Variants in SMURF1 observed in about 807,000 individuals in gnomAD.
SMURF1 encodes E3 ubiquitin-protein ligase SMURF1.
SMURF1 carries 44 observed loss-of-function variants against 98.0 expected under a neutral mutation model. The ratio of observed to expected loss-of-function variants is 0.45; its 90% confidence interval spans 0.35 to 0.58. The LOEUF (loss-of-function observed/expected upper bound fraction) is 0.58, where lower values mean the gene tolerates loss of function less well. Ranked by LOEUF, SMURF1 falls within the 20% of genes least tolerant of loss-of-function variation. The probability of loss-of-function intolerance (pLI) is 0.00; values close to 1 mark genes in which losing one functional copy is unlikely to be tolerated. For synonymous variants in SMURF1, 396 were observed against 374.9 expected, an observed-to-expected ratio of 1.06 and a Z score of -0.65; for missense variants, 687 against 938.4, an observed-to-expected ratio of 0.73 and a Z score of 3.50.
rs78303731 is a variant in SMURF1 at position 99,037,908 on chromosome 7, A to G, written c.1688+480T>C. 2.9e-3 allele frequency among the ~76,000 whole-genome samples: 445 copies of G among 152,356 alleles called. 2 individuals carry two copies. Among genetic ancestry groups the G allele is most frequent in the African/African-American group, 0.01 (432 of 41,576 alleles). ...AAATTTAAAAATTGTTTAAATGTGT[A>G]AAAGTACATTTGAAAGTACAGCACA... On this transcript the variant is annotated intron_variant, in intron 14 of 17. Transcript: ENST00000361368.
chr7:99,062,398 G>A (rs1796053689), intron 1 of SMURF1, among the ~76,000 whole-genome samples: 2 of 152,122 alleles, frequency 1.3e-5, no homozygotes, highest in African/African-American at 4.8e-5. Context: ...GCTAATGACA[G>A]AAGAAGCTAT....
intron 1 of SMURF1, among the ~76,000 whole-genome samples, chr7:99,127,929 G>A (rs947703631): frequency 1.3e-5 from 2 of 152,108 alleles, no homozygotes; most frequent in Non-Finnish European, 1.5e-5. Context: ...TACTTAAATC[G>A]ATAAACTGTC....
At chr7:99,077,829 T>C (rs1283938652) in intron 1 of SMURF1, among the ~76,000 whole-genome samples, 3 of 152,180 alleles carry the variant, frequency 2.0e-5, no homozygotes, top group Non-Finnish European at 2.9e-5. Context: ...ATGTCACTAA[T>C]GTCAGTAACC....
intron 1 of SMURF1, among the ~76,000 whole-genome samples, chr7:99,089,315 T>C (rs1279360221): frequency 6.6e-6 from 1 of 151,836 alleles, no homozygotes; most frequent in Non-Finnish European, 1.5e-5. Context: ...CAAATTCAAA[T>C]TGAATCCTTA....
In SMURF1 at chr7:99,051,414, A is replaced by T. The variant is rs772470218; in HGVS notation, c.749T>A (p.Val250Asp). ...TCCAGTCTGTGTATGCAAAAAGTAA[A>T]CTTGGCCCTGGACTGTTGTTCTTTG... ...YEQRTTVQGQVYFLHTQTGVS... is the reference protein window; with the variant it reads ...YEQRTTVQGQDYFLHTQTGVS... Residue 250 changes from valine (V) to aspartate (D), a missense_variant, in exon 8 of 18, where the codon GTT becomes GAT. Around this residue, in one of 2 missense-constraint regions of SMURF1, gnomAD observed 415 missense variants for 508.4 expected, o/e 0.82. Coordinates refer to ENST00000361368, the MANE Select transcript of SMURF1 (RefSeq NM_181349.3). 6.2e-7 allele frequency: 1 copy of T among 1,614,062 alleles called. No individual in the cohort carries two copies. Among genetic ancestry groups the T allele is most frequent in the East Asian group, 2.2e-5 (1 of 44,874 alleles).
At chr7:99,096,790 C>T (rs1037335213) in intron 1 of SMURF1, among the ~76,000 whole-genome samples, 5 of 152,114 alleles carry the variant, frequency 3.3e-5, no homozygotes, top group African/African-American at 1.2e-4. Flanking sequence ...GAACTGAACA[C>T]CATTAACTAA....
chr7:99,098,975 T>C lies in SMURF1; in HGVS notation c.56-37138A>G, dbSNP rs538694413. ...GAAATAAATAATGTGAATAGCGTTATGAAGACACTGTGATGGGAAGACAAG... is the reference window on the plus strand; with the variant it reads ...GAAATAAATAATGTGAATAGCGTTACGAAGACACTGTGATGGGAAGACAAG... On this transcript the variant is annotated intron_variant, in intron 1 of 17. Transcript: ENST00000361368. 4.7e-4 allele frequency among the ~76,000 whole-genome samples: 72 copies of C among 152,304 alleles called. 1 individual carries two copies. Among genetic ancestry groups the C allele is most frequent in the African/African-American group, 1.7e-3 (69 of 41,582 alleles).
In SMURF1 at chr7:99,057,607, T is replaced by TG. The variant is rs1554440705; in HGVS notation, c.204-57_204-56insC. On this transcript the variant is annotated intron_variant, in intron 3 of 17. Coordinates refer to ENST00000361368, the MANE Select transcript of SMURF1 (RefSeq NM_181349.3). The stretch of plus-strand genomic sequence containing the variant: ...TTGTGTTTGGTTTTTTTTGTTTTGT[T>TG]TTTTTTTTTTTTTGAGATAGAATCC... 324 of 1,208,960 alleles carry TG rather than the reference T, an allele frequency of 2.7e-4. 1 individual carries two copies. In the African/African-American group the frequency reaches 6.3e-3, roughly 23 times the overall value. 74.9% of individuals were successfully genotyped at this position (1,208,960 alleles called of 1,614,324 possible).
chr7:99,107,547 G>A (rs1298231789), intron 1 of SMURF1, among the ~76,000 whole-genome samples: 1 of 152,198 alleles, frequency 6.6e-6, no homozygotes, highest in Non-Finnish European at 1.5e-5. Flanking sequence ...GGAGCTCCTA[G>A]AAATCGCTCG....
chr7:99,118,887 G>A (rs979704384), intron 1 of SMURF1, among the ~76,000 whole-genome samples: 3 of 151,810 alleles, frequency 2.0e-5, no homozygotes, highest in African/African-American at 7.3e-5. Context: ...TTTTTAGACA[G>A]GGTCTTGCCC....
At chr7:99,117,494 G>A (rs1300043074) in intron 1 of SMURF1, among the ~76,000 whole-genome samples, 1 of 151,600 alleles carries the variant, frequency 6.6e-6, no homozygotes, top group East Asian at 2.0e-4. Flanking sequence ...GATTACAGGC[G>A]CCCACCACCA....
intron 1 of SMURF1, among the ~76,000 whole-genome samples, chr7:99,139,222 T>C (rs1452912663): frequency 6.6e-6 from 1 of 152,236 alleles, no homozygotes; most frequent in Non-Finnish European, 1.5e-5. Flanking sequence ...TCACTCACAG[T>C]TGCACCATCT....
chr7:99,091,183 G>C (rs558814450), intron 1 of SMURF1, among the ~76,000 whole-genome samples: 2 of 152,088 alleles, frequency 1.3e-5, no homozygotes, highest in Non-Finnish European at 2.9e-5. Flanking sequence ...CTGACTTCTT[G>C]GGGACCCACA....
At chr7:99,108,425 T>C (rs766032562) in intron 1 of SMURF1, among the ~76,000 whole-genome samples, 15 of 150,822 alleles carry the variant, frequency 9.9e-5, no homozygotes, top group Non-Finnish European at 1.8e-4. Flanking sequence ...GCCTGGCAAA[T>C]ATGGTGAAAC....
At chr7:99,076,839 GTA>G (rs575854223) in intron 1 of SMURF1, among the ~76,000 whole-genome samples, 7 of 62,824 alleles carry the variant, frequency 1.1e-4, no homozygotes, top group East Asian at 8.4e-4. Context: ...GTGCCCATGT[GTA>G]TGTGTGTGCA....
intron 1 of SMURF1, among the ~76,000 whole-genome samples, chr7:99,108,281 G>A (rs955923526): frequency 6.6e-6 from 1 of 151,510 alleles, no homozygotes; most frequent in African/African-American, 2.4e-5. Flanking sequence ...GCAGTGGCGC[G>A]ATCTTGGCTC....
At chr7:99,030,723 A>G (rs920959206) in intron 17 of SMURF1, 40 bp from the exon 18 acceptor site, 1 of 1,567,726 alleles carries the variant, frequency 6.4e-7, no homozygotes, top group Non-Finnish European at 8.8e-7. Flanking sequence ...TGGGCAGTCC[A>G]GCCCTAGGAC....
chr7:99,033,039 G>C lies in SMURF1; in HGVS notation c.2094C>G (p.Thr698=), dbSNP rs980845609. 2 of 1,598,932 alleles carry C rather than the reference G, an allele frequency of 1.3e-6. No homozygotes were observed. The highest frequency in any genetic ancestry group is 1.7e-5 in the Admixed American group (1 of 57,382). The change falls in exon 17 of 18, where the codon ACC becomes ACG. Residue 698 remains threonine (T), a splice_region_variant and synonymous_variant. Transcript: ENST00000361368. The part of the protein sequence containing the change: ...ANTDNLPKAH[T]CFNRIDIPPY... ...GACTTCCTGGCCGCGGTGCTTACCA[G>C]GTATGGGCCTTCGGAAGGTTGTCTG...
chr7:99,038,652 GA>G, intron 13 of SMURF1, 127 bp from the exon 14 acceptor site: 1 of 1,063,830 alleles, frequency 9.4e-7, no homozygotes, highest in African/African-American at 1.6e-5. Context: ...GGCAGACACA[GA>G]ACCTGCGTGG....
Sources: gnomAD v4.1 joint callset for allele counts (sites outside exome capture counted in the v4.1 genomes callset) on GRCh38, gnomAD v4.1.1 for gene constraint, gnomAD v4.1.1 regional missense constraint, MANE v1.5 for transcripts, NCBI Gene and HGNC (gene_info 2026-07-23, HGNC 2026-07-21) for gene names.